Variants in CBFA2T3 observed in about 807,000 individuals in gnomAD.
The protein encoded by CBFA2T3 is transcriptional corepressor CBFA2T3.
In CBFA2T3, 31 loss-of-function variants were observed where a neutral mutation model predicts 58.6. The ratio of observed to expected loss-of-function variants is 0.53; its 90% CI spans 0.40 to 0.71. The LOEUF (loss-of-function observed/expected upper bound fraction) is 0.71. CBFA2T3 is among the 30% of genes least tolerant of loss of function. The pLI is 0.00. For synonymous variants in CBFA2T3, 531 were observed against 421.9 expected, an observed-to-expected ratio of 1.26 and a Z score of -3.17; for missense variants, 1,076 against 963.1, an observed-to-expected ratio of 1.12 and a Z score of -1.55.
At chr16:88,937,340 GCCTC>G (rs1276081895) in intron 1 of CBFA2T3, 1 of 152,300 alleles carries the variant, frequency 6.6e-6, no homozygotes, top group Non-Finnish European at 1.5e-5. Flanking sequence ...GCTGTCGTGA[GCCTC>G]CCTCTGAGCT....
At chr16:88,921,755 C>T (rs1431384264) in intron 1 of CBFA2T3, among the ~76,000 whole-genome samples, 3 of 152,238 alleles carry the variant, frequency 2.0e-5, no homozygotes, top group Non-Finnish European at 4.4e-5. Context: ...TCCGCGGTGC[C>T]GGGGGACTTG....
chr16:88,976,207 C>A lies in CBFA2T3; in HGVS notation c.151+450G>T, dbSNP rs7202173. 9.2e-5 allele frequency among the ~76,000 whole-genome samples: 14 copies of A among 152,174 alleles called. No individual in the cohort carries two copies. The East Asian group carries it at 9.7e-4, about 11-fold the overall frequency. On this transcript the variant is annotated intron_variant, in intron 1 of 11. Coordinates refer to ENST00000268679, the MANE Select transcript of CBFA2T3 (RefSeq NM_005187.6). Reference sequence around the variant, plus strand: ...AGGGTTGGGTCCATTTCCTCCTCACCGGGGTCTTGGGCCAGTGCCCTCCCC... The same window carrying A: ...AGGGTTGGGTCCATTTCCTCCTCACAGGGGTCTTGGGCCAGTGCCCTCCCC...
At chr16:88,962,725 G>A (rs576138025) in intron 1 of CBFA2T3, among the ~76,000 whole-genome samples, 1 of 152,324 alleles carries the variant, frequency 6.6e-6, no homozygotes, top group South Asian at 2.1e-4. Flanking sequence ...GCTCGGCCCA[G>A]CCACGAACAT....
chr16:88,910,871 G>A (rs541497607), intron 1 of CBFA2T3, among the ~76,000 whole-genome samples: 86 of 147,410 alleles, frequency 5.8e-4, no homozygotes, highest in Non-Finnish European at 9.6e-4. Flanking sequence ...ACCAGGAGGC[G>A]GCTCCCTCCC....
intron 5 of CBFA2T3, chr16:88,886,400 G>A (rs1015400006): frequency 1.3e-5 from 5 of 372,254 alleles, no homozygotes; most frequent in African/African-American, 1.0e-4. Flanking sequence ...TGGGACTTGA[G>A]CCCAGATCCT....
chr16:88,959,198 T>C (rs1972303498), intron 1 of CBFA2T3, among the ~76,000 whole-genome samples: 1 of 152,222 alleles, frequency 6.6e-6, no homozygotes, highest in Non-Finnish European at 1.5e-5. Context: ...TGTGTTCAGG[T>C]CTGGCCTGGG....
At chr16:88,932,754 C>G (rs1187933289) in intron 1 of CBFA2T3, among the ~76,000 whole-genome samples, 1 of 138,150 alleles carries the variant, frequency 7.2e-6, no homozygotes, top group Non-Finnish European at 1.5e-5. Context: ...TCGAGACCAG[C>G]CTGGCCAACA....
chr16:88,949,534 C>A (rs539224880), intron 1 of CBFA2T3, among the ~76,000 whole-genome samples: 3 of 144,896 alleles, frequency 2.1e-5, no homozygotes, highest in South Asian at 4.5e-4. Context: ...CACTCCAGCC[C>A]GGGTGACAGA....
chr16:88,943,103 T>G (rs1269308628), intron 1 of CBFA2T3, among the ~76,000 whole-genome samples: 1 of 152,230 alleles, frequency 6.6e-6, no homozygotes, highest in Non-Finnish European at 1.5e-5. Context: ...CCGGTGATAA[T>G]CCTAAAACGC....
At chr16:88,975,123 C>CATGTCAGAGGTCCACCCTGGCCCT (rs1972771550) in intron 1 of CBFA2T3, among the ~76,000 whole-genome samples, 1 of 113,428 alleles carries the variant, frequency 8.8e-6, no homozygotes, top group Non-Finnish European at 2.0e-5. Flanking sequence ...CCACCCTGGC[C>CATGTCAGAGGTCCACCCTGGCCCT]CTCTGCTCCT....
At chr16:88,971,775 G>A (rs182191845) in intron 1 of CBFA2T3, among the ~76,000 whole-genome samples, 107 of 152,298 alleles carry the variant, frequency 7.0e-4, no homozygotes, top group Non-Finnish European at 1.2e-3. Context: ...TCTCCTCGGA[G>A]GAGCACTGGC....
At chr16:88,946,014 G>A (rs1248432670) in intron 1 of CBFA2T3, among the ~76,000 whole-genome samples, 5 of 152,202 alleles carry the variant, frequency 3.3e-5, no homozygotes, top group African/African-American at 1.2e-4. Context: ...GCCATGGAAA[G>A]TGAACATTGA....
At chr16:88,913,269 C>T (rs1421517588) in intron 1 of CBFA2T3, among the ~76,000 whole-genome samples, 1 of 152,260 alleles carries the variant, frequency 6.6e-6, no homozygotes, top group Non-Finnish European at 1.5e-5. Flanking sequence ...TTGGCCCGGC[C>T]ACTTGGTGGA....
At chr16:88,973,832 C>T (rs900045034) in intron 1 of CBFA2T3, among the ~76,000 whole-genome samples, 1 of 152,160 alleles carries the variant, frequency 6.6e-6, no homozygotes, top group Non-Finnish European at 1.5e-5. Flanking sequence ...GCTCAAGCTT[C>T]CTGCACGGAT....
intron 1 of CBFA2T3, among the ~76,000 whole-genome samples, chr16:88,928,190 T>A (rs752063717): frequency 3.9e-5 from 6 of 152,186 alleles, no homozygotes; most frequent in Admixed American, 6.5e-5. Flanking sequence ...GCCTCACGCC[T>A]CTGAGTTTGG....
intron 1 of CBFA2T3, among the ~76,000 whole-genome samples, chr16:88,965,608 A>G (rs1972482093): frequency 6.6e-6 from 1 of 152,202 alleles, no homozygotes; most frequent in Non-Finnish European, 1.5e-5. Context: ...CACTGTATGC[A>G]GCTGTTCTTC....
At chr16:88,909,641 G>A (rs989143724) in intron 1 of CBFA2T3, among the ~76,000 whole-genome samples, 1 of 128,016 alleles carries the variant, frequency 7.8e-6, no homozygotes, top group Non-Finnish European at 1.7e-5. Context: ...AGAATCACAC[G>A]GTCCCACAGC....
intron 1 of CBFA2T3, among the ~76,000 whole-genome samples, chr16:88,919,172 TCTC>T (rs1374673106): frequency 6.6e-6 from 1 of 151,984 alleles, no homozygotes; most frequent in Non-Finnish European, 1.5e-5. Flanking sequence ...CTTCCTTTGT[TCTC>T]CTCTGCCTTT....
intron 1 of CBFA2T3, among the ~76,000 whole-genome samples, chr16:88,914,097 C>T (rs1160216553): frequency 6.6e-6 from 1 of 152,198 alleles, no homozygotes; most frequent in Non-Finnish European, 1.5e-5. Flanking sequence ...AAGGACAGGC[C>T]CACCAAGTAC....
Sources: gnomAD v4.1 joint callset for allele counts (sites outside exome capture counted in the v4.1 genomes callset) on GRCh38, gnomAD v4.1.1 for gene constraint, MANE v1.5 for transcripts, NCBI Gene and HGNC (gene_info 2026-07-23, HGNC 2026-07-21) for gene names.